TRDN: variants seen among roughly 807,000 people sequenced by gnomAD.
The protein encoded by TRDN is triadin in skeletal muscle.
A neutral mutation model predicts 149.7 loss-of-function variants in TRDN; 161 were observed. The observed-to-expected ratio is 1.08, with a 90% confidence interval of 0.95 to 1.23. The LOEUF is 1.23. TRDN is among the 50% of genes most tolerant of loss of function. The pLI is 0.00. For synonymous variants in TRDN, 294 were observed against 250.5 expected, an observed-to-expected ratio of 1.17 and a Z score of -1.64; for missense variants, 896 against 823.5, an observed-to-expected ratio of 1.09 and a Z score of -1.08.
intron 19 of TRDN, among the ~76,000 whole-genome samples, chr6:123,372,671 A>T (rs1781366678): frequency 6.6e-6 from 1 of 152,122 alleles, no homozygotes; most frequent in Non-Finnish European, 1.5e-5. Context: ...GAAAGGGGTG[A>T]TGTGGTCACA....
intron 8 of TRDN, chr6:123,502,838 T>A (rs899271402): frequency 4.2e-5 from 41 of 985,250 alleles, no homozygotes; most frequent in Non-Finnish European, 4.9e-5. Flanking sequence ...GAATAGTCTC[T>A]ACATGTTAGA....
intron 14 of TRDN, among the ~76,000 whole-genome samples, chr6:123,387,515 T>C (rs1781949893): frequency 6.6e-6 from 1 of 152,162 alleles, no homozygotes; most frequent in African/African-American, 2.4e-5. Context: ...TACTGTGTTG[T>C]ATTATTACCA....
chr6:123,310,570 T>C (rs1473651234), intron 24 of TRDN, among the ~76,000 whole-genome samples: 1 of 152,000 alleles, frequency 6.6e-6, no homozygotes, highest in Non-Finnish European at 1.5e-5. Context: ...GAAGTCATTA[T>C]ATGACAACTT....
intron 1 of TRDN, among the ~76,000 whole-genome samples, chr6:123,631,275 TG>T (rs1785989393): frequency 6.6e-6 from 1 of 152,054 alleles, no homozygotes; most frequent in African/African-American, 2.4e-5. Context: ...CTTAATACCC[TG>T]TCAATAAATG....
chr6:123,370,062 T>C (rs546630486), intron 19 of TRDN, among the ~76,000 whole-genome samples: 2 of 152,288 alleles, frequency 1.3e-5, no homozygotes, highest in South Asian at 4.1e-4. Context: ...AGATATCATA[T>C]AAACAGAAGG....
chr6:123,384,178 T>C (rs1414567355), intron 14 of TRDN, among the ~76,000 whole-genome samples: 1 of 152,180 alleles, frequency 6.6e-6, no homozygotes, highest in Non-Finnish European at 1.5e-5. Flanking sequence ...AGAAAAAATA[T>C]GACATAATAC....
intron 20 of TRDN, among the ~76,000 whole-genome samples, chr6:123,364,169 T>C (rs1781001913): frequency 6.6e-6 from 1 of 152,212 alleles, no homozygotes; most frequent in South Asian, 2.1e-4. Context: ...CATTTTTTGC[T>C]CAGTTAAACT....
At chr6:123,475,460 G>GCCGAATTCT (rs1777424868) in intron 9 of TRDN, among the ~76,000 whole-genome samples, 1 of 102,874 alleles carries the variant, frequency 9.7e-6, no homozygotes, top group Non-Finnish European at 1.9e-5. Context: ...TGGATTCACA[G>GCCGAATTCT]CCGAATTCTA....
At position 123,625,206 on chromosome 6, in the gene TRDN, A is replaced by G. The variant is rs76679279; in HGVS notation, c.22+11548T>C. 1.0e-2 allele frequency among the ~76,000 whole-genome samples: 1,516 copies of G among 152,208 alleles called. 35 individuals are homozygous for G. Among genetic ancestry groups the G allele is most frequent in the African/African-American group, 0.034 (1,402 of 41,530 alleles). ...TAAGAATAGGACATTCTTTAGTTATACTAAATTATTTTCAGCAAGTTTCAA... is the reference window on the plus strand; with the variant it reads ...TAAGAATAGGACATTCTTTAGTTATGCTAAATTATTTTCAGCAAGTTTCAA... On this transcript the variant is annotated intron_variant, in intron 1 of 40. Transcript: ENST00000334268.
chr6:123,316,529 C>A (rs1296166066), intron 23 of TRDN, 34 bp from the exon 24 acceptor site: 2 of 1,592,178 alleles, frequency 1.3e-6, no homozygotes, highest in Admixed American at 1.7e-5. Context: ...CACGTACAAA[C>A]AAAAGGGAAA....
chr6:123,568,660 C>T (rs993587269), intron 2 of TRDN, among the ~76,000 whole-genome samples: 5 of 152,172 alleles, frequency 3.3e-5, no homozygotes, highest in African/African-American at 1.2e-4. Context: ...GCCTGATCTG[C>T]ACCTGTGGCC....
intron 24 of TRDN, among the ~76,000 whole-genome samples, chr6:123,305,450 C>G (rs939335310): frequency 2.6e-5 from 4 of 152,116 alleles, no homozygotes; most frequent in African/African-American, 9.7e-5. Context: ...TCCAATTCAA[C>G]TTTCTTCCAT....
intron 9 of TRDN, among the ~76,000 whole-genome samples, chr6:123,481,322 G>A (rs1463987396): frequency 6.6e-6 from 1 of 151,844 alleles, no homozygotes; most frequent in East Asian, 1.9e-4. Context: ...ATATTGACAA[G>A]GTTTGGGTGT....
intron 1 of TRDN, among the ~76,000 whole-genome samples, chr6:123,602,895 C>G (rs1313448040): frequency 6.6e-6 from 1 of 151,880 alleles, no homozygotes; most frequent in African/African-American, 2.4e-5. Flanking sequence ...TACACATCAA[C>G]GACTTCATGC....
At chr6:123,365,777 TTTAG>T (rs1181031261) in intron 20 of TRDN, among the ~76,000 whole-genome samples, 1 of 152,158 alleles carries the variant, frequency 6.6e-6, no homozygotes, top group Non-Finnish European at 1.5e-5. Flanking sequence ...TGTGAGTACT[TTTAG>T]TTAAAGTTTC....
intron 19 of TRDN, among the ~76,000 whole-genome samples, chr6:123,374,504 A>T (rs1781434323): frequency 1.3e-5 from 2 of 152,162 alleles, no homozygotes; most frequent in South Asian, 4.1e-4. Flanking sequence ...ATATAAATGG[A>T]ATTTTAGATT....
intron 22 of TRDN, 146 bp from the exon 23 acceptor site, chr6:123,332,075 T>C (rs2114727480): frequency 1.7e-6 from 1 of 588,840 alleles, no homozygotes; most frequent in East Asian, 2.9e-5. Context: ...TTTACTCATA[T>C]AGGGACAAAG....
chr6:123,291,332 A>G (rs1224871820), intron 24 of TRDN, among the ~76,000 whole-genome samples: 1 of 152,074 alleles, frequency 6.6e-6, no homozygotes, highest in Non-Finnish European at 1.5e-5. Context: ...TGGAAGGCCG[A>G]GGCAGGTGGA....
At chr6:123,428,805 A>G (rs945183141) in intron 12 of TRDN, among the ~76,000 whole-genome samples, 4 of 152,218 alleles carry the variant, frequency 2.6e-5, no homozygotes, top group East Asian at 1.9e-4. Context: ...TATTTACCCT[A>G]TTATAGTGCT....
Sources: allele counts gnomAD v4.1 joint callset (sites outside exome capture counted in the v4.1 genomes callset), GRCh38; gene constraint gnomAD v4.1.1; transcripts MANE v1.5; gene names NCBI Gene and HGNC (gene_info 2026-07-23, HGNC 2026-07-21).